PAK1: variants seen among roughly 807,000 people sequenced by gnomAD.
PAK1 encodes serine/threonine-protein kinase PAK 1.
A neutral mutation model predicts 67.4 loss-of-function variants in PAK1; 29 were observed. That is an observed-to-expected ratio of 0.43 (90% confidence interval 0.32 to 0.59). The LOEUF is 0.59. Ranked by LOEUF, PAK1 falls within the 20% of genes least tolerant of loss-of-function variation. The probability of loss-of-function intolerance (pLI) is 0.07; values close to 1 mark genes in which losing one functional copy is unlikely to be tolerated. For missense variants in PAK1, 337 were observed against 670.7 expected (o/e 0.50, Z 5.50); for synonymous variants, 223 against 237.4 (o/e 0.94, Z 0.56).
At chr11:77,501,150 CAA>C in the PAK1 span, among the ~76,000 whole-genome samples, 1 of 105,456 alleles carries the variant, frequency 9.5e-6, no homozygotes. Flanking sequence ...GACTCCGTCT[CAA>C]AAAAAAAAAC....
At chr11:77,350,689 G>A (rs1451125817) in intron 8 of PAK1, among the ~76,000 whole-genome samples, 2 of 152,192 alleles carry the variant, frequency 1.3e-5, no homozygotes, top group Admixed American at 1.3e-4. Context: ...TCATGTGTAA[G>A]CATGCCTTGC....
intron 1 of PAK1, among the ~76,000 whole-genome samples, chr11:77,472,634 G>T (rs776284814): frequency 2.6e-5 from 4 of 152,214 alleles, no homozygotes; most frequent in Non-Finnish European, 5.9e-5. Context: ...TATCTGTACT[G>T]ATAATTCCTA....
intron 5 of PAK1, among the ~76,000 whole-genome samples, chr11:77,369,449 T>C (rs552513994): frequency 5.1e-5 from 7 of 138,578 alleles, no homozygotes; most frequent in African/African-American, 1.6e-4. Flanking sequence ...CATTTCTTTT[T>C]TTTTTTTTTT....
At chr11:77,516,612 A>G in the PAK1 span, among the ~76,000 whole-genome samples, 2 of 152,168 alleles carry the variant, frequency 1.3e-5, no homozygotes, top group Non-Finnish European at 2.9e-5. Flanking sequence ...AGGGTGGTCA[A>G]GTGACTAGAG....
intron 1 of PAK1, among the ~76,000 whole-genome samples, chr11:77,431,893 G>A (rs1408083175): frequency 6.6e-6 from 1 of 152,112 alleles, no homozygotes; most frequent in Non-Finnish European, 1.5e-5. Context: ...ACTGCTGAAT[G>A]GCCTTAAAAT....
At chr11:77,467,187 C>A (rs1032029015) in intron 1 of PAK1, among the ~76,000 whole-genome samples, 2 of 152,132 alleles carry the variant, frequency 1.3e-5, no homozygotes, top group African/African-American at 2.4e-5. Context: ...GCTTCGTTAA[C>A]CCCTGATCAT....
At chr11:77,449,821 T>G (rs1386642020) in intron 1 of PAK1, among the ~76,000 whole-genome samples, 49 of 152,124 alleles carry the variant, frequency 3.2e-4, no homozygotes. Context: ...TCCAATGTAT[T>G]ACATATTCAA....
At chr11:77,421,997 C>G (rs544569999) in intron 1 of PAK1, among the ~76,000 whole-genome samples, 2 of 152,152 alleles carry the variant, frequency 1.3e-5, no homozygotes, top group Non-Finnish European at 2.9e-5. Flanking sequence ...TTAAATGTCA[C>G]CACTTCTATG....
At chr11:77,348,260 T>C (rs1944731165) in intron 9 of PAK1, among the ~76,000 whole-genome samples, 1 of 152,234 alleles carries the variant, frequency 6.6e-6, no homozygotes, top group Non-Finnish European at 1.5e-5. Flanking sequence ...ACTGGTACTC[T>C]TTGAAGTAAG....
intron 8 of PAK1, among the ~76,000 whole-genome samples, chr11:77,350,403 AG>A (rs1211909786): frequency 1.3e-5 from 2 of 152,164 alleles, no homozygotes; most frequent in African/African-American, 4.8e-5. Flanking sequence ...CAGACAGAGA[AG>A]GGGGGAAGAA....
At chr11:77,398,959 G>A (rs1176081384) in intron 1 of PAK1, among the ~76,000 whole-genome samples, 2 of 152,140 alleles carry the variant, frequency 1.3e-5, no homozygotes, top group Non-Finnish European at 2.9e-5. Flanking sequence ...TGAGCTAAGT[G>A]CCAGAAAAGA....
At chr11:77,510,005 T>G in the PAK1 span, among the ~76,000 whole-genome samples, 1 of 152,262 alleles carries the variant, frequency 6.6e-6, no homozygotes, top group African/African-American at 2.4e-5. Flanking sequence ...CTCTCTGTTA[T>G]CAGATCATCA....
intron 8 of PAK1, among the ~76,000 whole-genome samples, chr11:77,350,994 G>A (rs1379971730): frequency 1.3e-5 from 2 of 152,002 alleles, no homozygotes; most frequent in Non-Finnish European, 2.9e-5. Flanking sequence ...GTTGTAGAAA[G>A]CTACTTAGGC....
chr11:77,345,172 ATGTTTG>A (rs1427420969), intron 9 of PAK1, among the ~76,000 whole-genome samples: 15 of 152,150 alleles, frequency 9.9e-5, no homozygotes, highest in Admixed American at 9.8e-4. Flanking sequence ...ATTAGTGTGT[ATGTTTG>A]TGTGTATTGA....
intron 5 of PAK1, among the ~76,000 whole-genome samples, chr11:77,369,756 T>G (rs1007896445): frequency 2.0e-5 from 3 of 152,182 alleles, no homozygotes; most frequent in African/African-American, 7.2e-5. Context: ...CATAAATTTA[T>G]GTCTTATGTT....
chr11:77,444,570 G>A (rs1344045484), intron 1 of PAK1, among the ~76,000 whole-genome samples: 1 of 152,100 alleles, frequency 6.6e-6, no homozygotes, highest in Non-Finnish European at 1.5e-5. Flanking sequence ...TTCTATTATT[G>A]TGAATGGCCA....
At chr11:77,526,712 T>C in the PAK1 span, among the ~76,000 whole-genome samples, 1 of 152,070 alleles carries the variant, frequency 6.6e-6, no homozygotes, top group Non-Finnish European at 1.5e-5. Context: ...GGTCAGGAGT[T>C]CAAGACCAGC....
At chr11:77,384,533 A>G (rs1477625112) in intron 2 of PAK1, among the ~76,000 whole-genome samples, 1 of 152,244 alleles carries the variant, frequency 6.6e-6, no homozygotes, top group African/African-American at 2.4e-5. Flanking sequence ...ACGAATAGAT[A>G]AAATGCAGTA....
the PAK1 span, among the ~76,000 whole-genome samples, chr11:77,493,293 G>A: frequency 9.1e-6 from 1 of 109,774 alleles, no homozygotes; most frequent in Admixed American, 9.2e-5. Context: ...TTTTTTTTGA[G>A]ACAGGGTCTC....
Sources: allele counts gnomAD v4.1 joint callset (sites outside exome capture counted in the v4.1 genomes callset), GRCh38; gene constraint gnomAD v4.1.1; transcripts MANE v1.5; gene names NCBI Gene and HGNC (gene_info 2026-07-23, HGNC 2026-07-21).